SLC35F4: variants seen among roughly 807,000 people sequenced by gnomAD.
SLC35F4 encodes the protein solute carrier family 35 member F4, also known as chromosome 14 open reading frame 36.
SLC35F4 carries 24 observed loss-of-function variants against 44.2 expected under a neutral mutation model. The observed-to-expected ratio is 0.54, with a 90% CI of 0.39 to 0.76. The LOEUF is 0.76. SLC35F4 is among the 30% of genes least tolerant of loss of function. The pLI, the probability that SLC35F4 is intolerant of heterozygous loss-of-function variation, is 0.00. For synonymous variants in SLC35F4, 238 were observed against 223.6 expected (o/e 1.06, Z -0.57); for missense variants, 562 against 586.1 (o/e 0.96, Z 0.42).
rs58655076 is a variant in SLC35F4, at chr14:57,620,222, C to A, written c.104-26098G>T. On this transcript the variant is annotated intron_variant, in intron 1 of 7. Transcript: ENST00000556826. Reference sequence around the variant, plus strand: ...TAAAGATACTCCTTGAGAAGAGCAACCCCAAGACATAATTGTCAGATTCAC... The same window carrying A: ...TAAAGATACTCCTTGAGAAGAGCAAACCCAAGACATAATTGTCAGATTCAC... Among the ~76,000 whole-genome samples the A allele has an allele frequency of 5.9e-3, 890 of 152,130 alleles. 13 individuals carry two copies. Among genetic ancestry groups the A allele is most frequent in the African/African-American group, 0.02 (826 of 41,496 alleles).
chr14:57,766,714 T>C (rs1463661001), intron 1 of SLC35F4, among the ~76,000 whole-genome samples: 2 of 152,254 alleles, frequency 1.3e-5, no homozygotes, highest in East Asian at 1.9e-4. Context: ...ATAGCTTCTC[T>C]CCTTCACAGA....
intron 1 of SLC35F4, among the ~76,000 whole-genome samples, chr14:57,790,131 G>T (rs2077878238): frequency 6.6e-6 from 1 of 152,152 alleles, no homozygotes; most frequent in African/African-American, 2.4e-5. Flanking sequence ...CATGTTATTG[G>T]AAGTTCTGGC....
At chr14:57,606,917 TAATA>T (rs2071196613) in intron 1 of SLC35F4, among the ~76,000 whole-genome samples, 1 of 152,184 alleles carries the variant, frequency 6.6e-6, no homozygotes, top group African/African-American at 2.4e-5. Flanking sequence ...ACTAATTAAT[TAATA>T]AGTTATGGAT....
intron 1 of SLC35F4, among the ~76,000 whole-genome samples, chr14:57,827,212 C>A (rs1054305122): frequency 1.3e-5 from 2 of 152,146 alleles, no homozygotes; most frequent in Non-Finnish European, 2.9e-5. Context: ...TTTGCATGGA[C>A]ATGGATGGAG....
intron 1 of SLC35F4, among the ~76,000 whole-genome samples, chr14:57,862,845 G>C (rs1887797448): frequency 6.6e-6 from 1 of 152,104 alleles, no homozygotes; most frequent in Non-Finnish European, 1.5e-5. Context: ...TTATGTACTT[G>C]TTTATTTCTT....
At chr14:57,888,151 T>C (rs1888690871) in intron 1 of SLC35F4, among the ~76,000 whole-genome samples, 2 of 152,180 alleles carry the variant, frequency 1.3e-5, no homozygotes, top group Non-Finnish European at 2.9e-5. Context: ...ACAGAGTTTA[T>C]ACCAAGAAGA....
intron 1 of SLC35F4, among the ~76,000 whole-genome samples, chr14:57,764,707 G>A (rs1431822724): frequency 1.3e-5 from 2 of 152,196 alleles, no homozygotes; most frequent in Non-Finnish European, 2.9e-5. Context: ...GTATGTGTGT[G>A]TAGCAGATGA....
At position 57,932,552 on chromosome 14, in the gene SLC35F4, GA is replaced by G. The variant is rs1167377925; in HGVS notation, n.282+49360del. On this transcript the variant is annotated intron_variant and non_coding_transcript_variant, in intron 1 of 1. Transcript: ENST00000556568. ...GACATAAACTGGAGGGGTTCTGGGT[GA>G]ATTAGAAATTTGGGACCAGGTGTGG... is the stretch of plus-strand genomic sequence containing the variant. 2.0e-5 allele frequency among the ~76,000 whole-genome samples: 3 copies of G among 152,250 alleles called. No homozygotes were observed. The East Asian group carries it at 5.8e-4, about 29-fold the overall frequency.
rs1433417327 is a variant in SLC35F4, at chr14:57,576,492, CT to C, written c.808-4474del. 2.0e-5 allele frequency among the ~76,000 whole-genome samples: 3 copies of C among 152,278 alleles called. No individual in the cohort carries two copies. In the East Asian group the frequency reaches 5.8e-4, roughly 29 times the overall value. On this transcript the variant is annotated intron_variant, in intron 4 of 7. Transcript: ENST00000556826. ...GAGAAACATGCTAATGATTATCTCTCTGGGTAAATTTAGATACAGTTGATTT... is the reference window on the plus strand; with the variant it reads ...GAGAAACATGCTAATGATTATCTCTCGGGTAAATTTAGATACAGTTGATTT...
At chr14:57,623,837 G>C (rs1355771745) in intron 1 of SLC35F4, among the ~76,000 whole-genome samples, 1 of 152,036 alleles carries the variant, frequency 6.6e-6, no homozygotes, top group Non-Finnish European at 1.5e-5. Context: ...AAATGCCCAC[G>C]AGAGAAAGCA....
intron 1 of SLC35F4, among the ~76,000 whole-genome samples, chr14:57,903,003 CTCA>C (rs1013554629): frequency 2.0e-5 from 3 of 152,242 alleles, no homozygotes; most frequent in Admixed American, 2.0e-4. Context: ...ATATTTCTAC[CTCA>C]TATGTTACAT....
chr14:57,647,770 A>C (rs2073602730), intron 1 of SLC35F4, among the ~76,000 whole-genome samples: 2 of 152,134 alleles, frequency 1.3e-5, no homozygotes, highest in South Asian at 4.1e-4. Flanking sequence ...CAGAATCCTC[A>C]TCCTTCACAC....
intron 1 of SLC35F4, among the ~76,000 whole-genome samples, chr14:57,841,043 G>A (rs1324758497): frequency 6.6e-6 from 1 of 152,142 alleles, no homozygotes; most frequent in Non-Finnish European, 1.5e-5. Flanking sequence ...TTATCCCCAT[G>A]GAGCTCATCT....
chr14:57,808,314 T>C (rs1881583088), intron 1 of SLC35F4, among the ~76,000 whole-genome samples: 1 of 151,932 alleles, frequency 6.6e-6, no homozygotes, highest in Admixed American at 6.6e-5. Flanking sequence ...GCTCCACCTG[T>C]GCTGGCTCCA....
intron 1 of SLC35F4, among the ~76,000 whole-genome samples, chr14:57,704,951 A>G (rs1418957163): frequency 6.6e-6 from 1 of 152,182 alleles, no homozygotes; most frequent in African/African-American, 2.4e-5. Context: ...CTCTTTCCCA[A>G]TTAGGGTTGG....
chr14:57,821,392 C>A (rs991860395), intron 1 of SLC35F4, among the ~76,000 whole-genome samples: 5 of 152,184 alleles, frequency 3.3e-5, no homozygotes, highest in Non-Finnish European at 7.3e-5. Flanking sequence ...TGTAGAAATT[C>A]ACTTTGCAGC....
intron 1 of SLC35F4, among the ~76,000 whole-genome samples, chr14:57,669,727 G>A (rs2074448918): frequency 6.6e-6 from 1 of 151,990 alleles, no homozygotes; most frequent in Admixed American, 6.6e-5. Flanking sequence ...GCTGGATTCG[G>A]TTTGTCAGTA....
At chr14:57,606,828 G>A (rs147196232) in intron 1 of SLC35F4, among the ~76,000 whole-genome samples, 3,664 of 152,244 alleles carry the variant, frequency 0.024, 74 homozygotes, top group Middle Eastern at 0.051. Flanking sequence ...TAATAAGGCA[G>A]TCTCATAATC....
intron 1 of SLC35F4, among the ~76,000 whole-genome samples, chr14:57,613,551 T>G (rs1020441786): frequency 6.6e-6 from 1 of 152,228 alleles, no homozygotes; most frequent in Non-Finnish European, 1.5e-5. Flanking sequence ...GATAGCATTC[T>G]CTAAGAGGTA....
Sources: allele counts gnomAD v4.1 joint callset (sites outside exome capture counted in the v4.1 genomes callset), GRCh38; gene constraint gnomAD v4.1.1; transcripts MANE v1.5; gene names NCBI Gene and HGNC (gene_info 2026-07-23, HGNC 2026-07-21).